NDRG1: variants seen among roughly 807,000 people sequenced by gnomAD.
NDRG1 encodes protein NDRG1.
A neutral mutation model predicts 56.9 loss-of-function variants in NDRG1; 32 were observed. The observed-to-expected ratio is 0.56, with a 90% confidence interval of 0.42 to 0.76. The LOEUF is 0.76. Among genes scored for constraint, NDRG1 ranks in the 30% least tolerant of loss-of-function variants. The pLI, the probability that NDRG1 is intolerant of heterozygous loss-of-function variation, is 0.00. For missense variants in NDRG1, 507 were observed against 545.7 expected, an observed-to-expected ratio of 0.93 and a Z score of 0.71; for synonymous variants, 211 against 204.1, an observed-to-expected ratio of 1.03 and a Z score of -0.29.
chr8:133,241,550 C>A (rs1161072199), intron 15 of NDRG1: 2 of 210,516 alleles, frequency 9.5e-6, no homozygotes, highest in South Asian at 1.6e-4. Flanking sequence ...AACCCCGAAG[C>A]CTCAGCTTCA....
chr8:133,272,080 G>T (rs575538139), intron 3 of NDRG1, among the ~76,000 whole-genome samples: 1 of 152,314 alleles, frequency 6.6e-6, no homozygotes, highest in East Asian at 1.9e-4. Context: ...AGACCTTCAA[G>T]AGGTCAAGCT....
intron 3 of NDRG1, among the ~76,000 whole-genome samples, chr8:133,276,247 G>T (rs1014933530): frequency 6.6e-6 from 1 of 152,208 alleles, no homozygotes; most frequent in Admixed American, 6.5e-5. Flanking sequence ...GACCTTCCCT[G>T]GGAGTAGGTC....
chr8:133,259,262 CG>C (rs1563624830), intron 5 of NDRG1, 32 bp from the exon 6 acceptor site: 1 of 1,606,492 alleles, frequency 6.2e-7, no homozygotes, highest in Non-Finnish European at 8.5e-7. Context: ...CATTAGTGAG[CG>C]CCCGGACAGA....
chr8:133,248,779 A>G lies in NDRG1; in HGVS notation c.699-8T>C. On this transcript the variant is annotated splice_polypyrimidine_tract_variant and splice_region_variant and intron_variant, in intron 10 of 15. Coordinates refer to ENST00000323851, the MANE Select transcript of NDRG1 (RefSeq NM_006096.4). ...ATCTCCAGGTCGCGCCGGCTGCAGG[A>G]AACAAATGCATCATTAGCATGAGGA... 1.2e-6 allele frequency: 2 copies of G among 1,614,142 alleles called. No homozygotes were observed. The highest frequency in any genetic ancestry group is 2.2e-5 in the East Asian group (1 of 44,872).
At chr8:133,275,623 C>T (rs969322977) in intron 3 of NDRG1, among the ~76,000 whole-genome samples, 1 of 152,182 alleles carries the variant, frequency 6.6e-6, no homozygotes, top group Non-Finnish European at 1.5e-5. Context: ...TCCATATCAC[C>T]CTTCACTGTT....
intron 5 of NDRG1, chr8:133,259,435 T>C (rs1044292179): frequency 3.3e-6 from 2 of 614,718 alleles, no homozygotes; most frequent in Non-Finnish European, 5.9e-6. Flanking sequence ...CCAGGTCCCA[T>C]GGACACATTC....
chr8:133,266,774 C>T (rs571787027), intron 3 of NDRG1, among the ~76,000 whole-genome samples: 4 of 152,322 alleles, frequency 2.6e-5, no homozygotes, highest in African/African-American at 4.8e-5. Context: ...GAGTGGGTGA[C>T]AACTCACAAG....
chr8:133,253,066 G>A (rs1168182504), intron 9 of NDRG1, among the ~76,000 whole-genome samples: 1 of 152,254 alleles, frequency 6.6e-6, no homozygotes, highest in Non-Finnish European at 1.5e-5. Context: ...AAGCAAAGCA[G>A]GTCACTGCAA....
At chr8:133,292,943 C>T (rs769006583) in intron 1 of NDRG1, among the ~76,000 whole-genome samples, 2 of 152,186 alleles carry the variant, frequency 1.3e-5, no homozygotes, top group Non-Finnish European at 2.9e-5. Flanking sequence ...GCAGGTAGGG[C>T]ATAGGCAGGT....
intron 1 of NDRG1, chr8:133,288,168 C>T (rs1025135356): frequency 1.3e-5 from 2 of 152,410 alleles, no homozygotes; most frequent in Non-Finnish European, 2.9e-5. Context: ...TTTATACTCA[C>T]ACGCACTCAC....
chr8:133,280,292 C>G (rs1167555038), intron 2 of NDRG1, 25 bp from the exon 3 acceptor site: 3 of 1,612,378 alleles, frequency 1.9e-6, no homozygotes, highest in African/African-American at 2.7e-5. Flanking sequence ...AAAAAATTGT[C>G]AATTTCATCT....
At chr8:133,254,433 G>T in intron 9 of NDRG1, 106 bp downstream of exon 9, 2 of 1,180,842 alleles carry the variant, frequency 1.7e-6, no homozygotes, top group Non-Finnish European at 1.2e-6. Context: ...GTGGCCCCCA[G>T]TTGATTGTGT....
At chr8:133,260,057 A>T (rs774987196) in intron 5 of NDRG1, among the ~76,000 whole-genome samples, 5 of 152,218 alleles carry the variant, frequency 3.3e-5, no homozygotes, top group Admixed American at 1.3e-4. Flanking sequence ...GAAGTGCGGC[A>T]AAGACATGAA....
intron 1 of NDRG1, chr8:133,288,336 A>G (rs1220428226): frequency 6.6e-6 from 1 of 152,226 alleles, no homozygotes; most frequent in Non-Finnish European, 1.5e-5. Flanking sequence ...ACTCTCCCCA[A>G]AACACTTTTT....
In NDRG1 at chr8:133,280,425, CT is replaced by C. The variant is rs34104549; in HGVS notation, c.64-159del. Among the ~76,000 whole-genome samples the C allele has an allele frequency of 4.1e-3, 560 of 138,234 alleles. 3 individuals carry two copies. Among genetic ancestry groups the C allele is most frequent in the Middle Eastern group, 0.019 (5 of 268 alleles). The allele number at this position is 138,234 out of a possible 152,430, so 90.7% of individuals were successfully genotyped here. On this transcript the variant is annotated intron_variant, in intron 2 of 15. Coordinates refer to ENST00000323851, the MANE Select transcript of NDRG1 (RefSeq NM_006096.4). ...TCACAAAGGCAGGCTTTCCTTTTCT[CT>C]TTTTTTTTTTTTTTTGAGACGGAGT...
At chr8:133,287,911 ATTC>A (rs1415027653) in intron 1 of NDRG1, among the ~76,000 whole-genome samples, 1 of 152,142 alleles carries the variant, frequency 6.6e-6, no homozygotes, top group Non-Finnish European at 1.5e-5. Flanking sequence ...AGTTGGATGC[ATTC>A]TTATTTAATC....
intron 8 of NDRG1, among the ~76,000 whole-genome samples, 179 bp downstream of exon 8, chr8:133,256,598 G>A (rs1457546586): frequency 6.6e-6 from 1 of 152,186 alleles, no homozygotes; most frequent in Non-Finnish European, 1.5e-5. Flanking sequence ...AATGGCAAAC[G>A]GCTGAGGTCA....
chr8:133,286,059 G>A (rs1267324395), intron 1 of NDRG1, among the ~76,000 whole-genome samples: 1 of 152,194 alleles, frequency 6.6e-6, no homozygotes, highest in Non-Finnish European at 1.5e-5. Context: ...GGTGAAGTCA[G>A]GGGGCTCTCA....
intron 1 of NDRG1, 188 bp downstream of exon 1, chr8:133,296,945 CT>C (rs1388153867): frequency 6.5e-5 from 12 of 184,696 alleles, no homozygotes; most frequent in African/African-American, 2.6e-4. Context: ...GAACCCCCCA[CT>C]TCAGCGGTGT....
Sources: allele counts gnomAD v4.1 joint callset (sites outside exome capture counted in the v4.1 genomes callset), GRCh38; gene constraint gnomAD v4.1.1; transcripts MANE v1.5; gene names NCBI Gene and HGNC (gene_info 2026-07-23, HGNC 2026-07-21).